The following ATP8B4 variants were observed in gnomAD, a reference collection of about 807,000 sequenced individuals.
ATP8B4 encodes probable phospholipid-transporting ATPase IM.
A neutral mutation model predicts 145.6 loss-of-function variants in ATP8B4; 133 were observed. The observed-to-expected ratio is 0.91, with a 90% CI of 0.79 to 1.05. The LOEUF (loss-of-function observed/expected upper bound fraction) is 1.05. Ranked by LOEUF, ATP8B4 falls within the 50% of genes least tolerant of loss-of-function variation. The probability of loss-of-function intolerance (pLI) is 0.00; values close to 1 mark genes in which losing one functional copy is unlikely to be tolerated. For synonymous variants in ATP8B4, 507 were observed against 492.9 expected, an observed-to-expected ratio of 1.03 and a Z score of -0.38; for missense variants, 1,458 against 1,425.2, an observed-to-expected ratio of 1.02 and a Z score of -0.37.
At chr15:50,048,921 TAACC>T (rs1766511923) in intron 3 of ATP8B4, among the ~76,000 whole-genome samples, 1 of 152,018 alleles carries the variant, frequency 6.6e-6, no homozygotes, top group Admixed American at 6.5e-5. Context: ...ACATGCACAT[TAACC>T]AACAGTAAGG....
At chr15:49,889,193 G>A (rs1289046133) in intron 23 of ATP8B4, among the ~76,000 whole-genome samples, 1 of 152,090 alleles carries the variant, frequency 6.6e-6, no homozygotes, top group Admixed American at 6.5e-5. Context: ...AGAGTAGGCA[G>A]AGCGCTGAAG....
chr15:49,886,923 C>T (rs1301588581), intron 23 of ATP8B4, among the ~76,000 whole-genome samples: 2 of 152,034 alleles, frequency 1.3e-5, no homozygotes, highest in African/African-American at 4.8e-5. Context: ...GATTCTCCTG[C>T]CTCAGCCTCC....
At chr15:49,867,015 T>C (rs2032906939) in intron 25 of ATP8B4, among the ~76,000 whole-genome samples, 1 of 152,226 alleles carries the variant, frequency 6.6e-6, no homozygotes. Flanking sequence ...TTCTTCAGCC[T>C]TATTTTGGCA....
intron 2 of ATP8B4, among the ~76,000 whole-genome samples, chr15:50,101,463 C>G (rs147838619): frequency 6.6e-6 from 1 of 151,810 alleles, no homozygotes; most frequent in Non-Finnish European, 1.5e-5. Context: ...ACAAAAGAAA[C>G]CTTAAAGCAA....
At chr15:50,100,148 A>AT (rs562823248) in intron 2 of ATP8B4, among the ~76,000 whole-genome samples, 159 of 152,246 alleles carry the variant, frequency 1.0e-3, no homozygotes, top group African/African-American at 3.5e-3. Flanking sequence ...CTGGCTTGTC[A>AT]AATTTTCACA....
chr15:49,961,362 T>C (rs994269410), intron 14 of ATP8B4, among the ~76,000 whole-genome samples: 3 of 152,298 alleles, frequency 2.0e-5, no homozygotes, highest in East Asian at 3.8e-4. Flanking sequence ...GGGTAAATTG[T>C]TATAAATTCT....
intron 20 of ATP8B4, among the ~76,000 whole-genome samples, chr15:49,909,658 G>C (rs1263458983): frequency 7.2e-6 from 1 of 138,166 alleles, no homozygotes; most frequent in Non-Finnish European, 1.5e-5. Context: ...CTTCACTACA[G>C]TCTCCATTAA....
In ATP8B4 at chr15:50,044,305, G is replaced by C. The variant is rs190421787; in HGVS notation, c.300+289C>G. On this transcript the variant is annotated intron_variant, in intron 5 of 27. Coordinates refer to ENST00000284509, the MANE Select transcript of ATP8B4 (RefSeq NM_024837.4). ...TGAATGCAGGTTGATTTCCAATTCT[G>C]CTCTTCCACAAATTGGTTGTATTAT... Among the ~76,000 whole-genome samples the C allele has an allele frequency of 9.1e-4, 138 of 152,304 alleles. 1 individual carries two copies. The Middle Eastern group carries it at 0.024, about 26-fold the overall frequency.
chr15:49,928,530 T>C (rs1289509143), intron 16 of ATP8B4, among the ~76,000 whole-genome samples: 2 of 152,176 alleles, frequency 1.3e-5, no homozygotes, highest in South Asian at 2.1e-4. Context: ...CTTTTAAGGT[T>C]TGGGAAGCCA....
chr15:50,136,478 T>C (rs1409037285), intron 1 of ATP8B4, among the ~76,000 whole-genome samples: 2 of 152,172 alleles, frequency 1.3e-5, no homozygotes, highest in Non-Finnish European at 2.9e-5. Flanking sequence ...CTGGGGCAAA[T>C]GTGGCTTAAA....
chr15:49,868,855 TAAAG>T (rs1053051699), intron 25 of ATP8B4, among the ~76,000 whole-genome samples: 1 of 152,176 alleles, frequency 6.6e-6, no homozygotes, highest in Non-Finnish European at 1.5e-5. Flanking sequence ...ACTATGAAAA[TAAAG>T]AGAAATCACT....
intron 5 of ATP8B4, among the ~76,000 whole-genome samples, chr15:50,042,614 AT>A (rs1276374818): frequency 5.3e-5 from 8 of 152,012 alleles, no homozygotes; most frequent in Admixed American, 5.2e-4. Context: ...ATCTCATATT[AT>A]TGTTGTTCAT....
intron 6 of ATP8B4, among the ~76,000 whole-genome samples, chr15:50,017,700 A>G (rs1032353804): frequency 2.0e-5 from 3 of 152,224 alleles, no homozygotes; most frequent in African/African-American, 7.2e-5. Flanking sequence ...AACTAATAAT[A>G]CAAGCCATAG....
intron 6 of ATP8B4, among the ~76,000 whole-genome samples, chr15:50,030,260 T>C (rs2050333087): frequency 6.6e-6 from 1 of 152,114 alleles, no homozygotes; most frequent in Non-Finnish European, 1.5e-5. Context: ...AACCTATTCT[T>C]TTAAAAAAGA....
intron 1 of ATP8B4, among the ~76,000 whole-genome samples, chr15:50,138,478 C>G: frequency 6.6e-6 from 1 of 151,758 alleles, no homozygotes; most frequent in Non-Finnish European, 1.5e-5. Context: ...GATAGACAGA[C>G]AGATAGATAG....
chr15:49,996,986 A>G (rs1344257167), intron 8 of ATP8B4, among the ~76,000 whole-genome samples: 5 of 152,106 alleles, frequency 3.3e-5, no homozygotes, highest in Non-Finnish European at 5.9e-5. Flanking sequence ...TAACAACACA[A>G]TGATCTGTTT....
intron 14 of ATP8B4, among the ~76,000 whole-genome samples, chr15:49,934,750 T>G (rs2041591444): frequency 6.6e-6 from 1 of 152,094 alleles, no homozygotes; most frequent in East Asian, 1.9e-4. Flanking sequence ...AATTTCTAAA[T>G]ATATCTGGCT....
Position 49,957,926 on chromosome 15 carries a change from G to C in ATP8B4, c.1287+4051C>G, listed in dbSNP as rs1226627809. Among the ~76,000 whole-genome samples, 14 of 151,792 alleles carry C rather than the reference G, an allele frequency of 9.2e-5. No individual in the cohort carries two copies. The East Asian group carries it at 2.7e-3, about 29-fold the overall frequency. On this transcript the variant is annotated intron_variant, in intron 14 of 27. Transcript: ENST00000284509. ...ACAAGATAGAGCTAAATTATACATA[G>C]CTAATTCCTACCTTAAGAACAGAGA...
At chr15:50,031,207 A>C (rs1300501416) in intron 6 of ATP8B4, among the ~76,000 whole-genome samples, 1 of 152,138 alleles carries the variant, frequency 6.6e-6, no homozygotes, top group Non-Finnish European at 1.5e-5. Context: ...TACACCCATA[A>C]AAGTGTGTTT....
Sources: allele counts gnomAD v4.1 joint callset (sites outside exome capture counted in the v4.1 genomes callset), GRCh38; gene constraint gnomAD v4.1.1; transcripts MANE v1.5; gene names NCBI Gene and HGNC (gene_info 2026-07-23, HGNC 2026-07-21).